Variants in KCNIP1 observed in about 807,000 individuals in gnomAD.
The protein encoded by KCNIP1 is A-type potassium channel modulatory protein KCNIP1.
A neutral mutation model predicts 33.0 loss-of-function variants in KCNIP1; 18 were observed. The observed-to-expected ratio is 0.55, with a 90% CI of 0.38 to 0.81. The LOEUF (loss-of-function observed/expected upper bound fraction) is 0.81, where lower values mean the gene tolerates loss of function less well. Ranked by LOEUF, KCNIP1 falls within the 30% of genes least tolerant of loss-of-function variation. The pLI, the probability that KCNIP1 is intolerant of heterozygous loss-of-function variation, is 0.00. For missense variants in KCNIP1, 238 were observed against 271.6 expected, an observed-to-expected ratio of 0.88 and a Z score of 0.87; for synonymous variants, 93 against 98.3, an observed-to-expected ratio of 0.95 and a Z score of 0.32.
upstream of KCNIP1, among the ~76,000 whole-genome samples, chr5:170,503,724 T>TCACTCACA (rs1754551868): frequency 7.3e-6 from 1 of 136,472 alleles, no homozygotes; most frequent in African/African-American, 2.7e-5. Context: ...CGCACGCACA[T>TCACTCACA]CACACACACA....
At chr5:170,632,334 C>T (rs1760080173) in intron 1 of KCNIP1, among the ~76,000 whole-genome samples, 1 of 152,230 alleles carries the variant, frequency 6.6e-6, no homozygotes, top group Non-Finnish European at 1.5e-5. Context: ...TTAGGATTCT[C>T]GCCTCAAATC....
At chr5:170,452,354 G>C (rs550492586) in intron 1 of KCNIP1, among the ~76,000 whole-genome samples, 1 of 152,188 alleles carries the variant, frequency 6.6e-6, no homozygotes, top group Non-Finnish European at 1.5e-5. Flanking sequence ...ACCGGAAAGC[G>C]CCTAGTGTGC....
intron 1 of KCNIP1, among the ~76,000 whole-genome samples, chr5:170,656,647 G>A (rs1761276092): frequency 6.6e-6 from 1 of 152,228 alleles, no homozygotes; most frequent in African/African-American, 2.4e-5. Flanking sequence ...ATGAAGATCA[G>A]CTTCCAGGGG....
At chr5:170,668,998 G>C (rs1761816275) in intron 1 of KCNIP1, among the ~76,000 whole-genome samples, 1 of 152,174 alleles carries the variant, frequency 6.6e-6, no homozygotes, top group South Asian at 2.1e-4. Flanking sequence ...CCCAGGCTGG[G>C]CTGGGTGTCC....
chr5:170,462,782 C>T (rs1756534591), intron 1 of KCNIP1, among the ~76,000 whole-genome samples: 2 of 152,184 alleles, frequency 1.3e-5, no homozygotes, highest in African/African-American at 4.8e-5. Flanking sequence ...TGGAATACTA[C>T]TCAGCCAAAA....
intron 1 of KCNIP1, among the ~76,000 whole-genome samples, chr5:170,623,888 G>A (rs1759711283): frequency 6.6e-6 from 1 of 152,186 alleles, no homozygotes; most frequent in Non-Finnish European, 1.5e-5. Flanking sequence ...TTCTCAGCAG[G>A]AGCTCAGCCA....
chr5:170,529,835 A>C (rs1002346061), intron 1 of KCNIP1, among the ~76,000 whole-genome samples: 1 of 152,196 alleles, frequency 6.6e-6, no homozygotes, highest in Non-Finnish European at 1.5e-5. Context: ...CTAACTTCAC[A>C]GGGCAGACTC....
At chr5:170,716,374 T>G (rs751519086) in intron 1 of KCNIP1, among the ~76,000 whole-genome samples, 2 of 152,174 alleles carry the variant, frequency 1.3e-5, no homozygotes, top group Non-Finnish European at 2.9e-5. Flanking sequence ...AAATTACAAT[T>G]CTTACTATAA....
intron 1 of KCNIP1, among the ~76,000 whole-genome samples, chr5:170,393,502 C>T (rs1355978121): frequency 6.6e-6 from 1 of 152,226 alleles, no homozygotes; most frequent in African/African-American, 2.4e-5. Flanking sequence ...GCCGAGGTGA[C>T]TCAGACACGG....
At chr5:170,629,611 C>T (rs1229516534) in intron 1 of KCNIP1, among the ~76,000 whole-genome samples, 1 of 152,182 alleles carries the variant, frequency 6.6e-6, no homozygotes, top group Non-Finnish European at 1.5e-5. Context: ...CATCTTGGGC[C>T]TTTGCTGGTC....
At chr5:170,696,478 G>T (rs1467195996) in intron 1 of KCNIP1, among the ~76,000 whole-genome samples, 1 of 152,178 alleles carries the variant, frequency 6.6e-6, no homozygotes, top group Non-Finnish European at 1.5e-5. Flanking sequence ...GCAGGGAGGG[G>T]TCTTGTCACA....
At chr5:170,386,742 G>A (rs1231961150) in intron 1 of KCNIP1, among the ~76,000 whole-genome samples, 7 of 151,634 alleles carry the variant, frequency 4.6e-5, no homozygotes, top group Non-Finnish European at 7.4e-5. Context: ...GAAGAAAGAA[G>A]GCATCATGGT....
intron 1 of KCNIP1, among the ~76,000 whole-genome samples, chr5:170,554,626 A>C (rs1756774929): frequency 6.6e-6 from 1 of 152,214 alleles, no homozygotes; most frequent in South Asian, 2.1e-4. Flanking sequence ...TTCACCAGCC[A>C]TGGCCAGACT....
chr5:170,460,528 G>T (rs544120671), intron 1 of KCNIP1, among the ~76,000 whole-genome samples: 1 of 152,226 alleles, frequency 6.6e-6, no homozygotes, highest in Admixed American at 6.5e-5. Flanking sequence ...TGCAGGGAGG[G>T]TTTAACATAT....
chr5:170,463,879 T>C (rs1416982965), intron 1 of KCNIP1, among the ~76,000 whole-genome samples: 1 of 152,180 alleles, frequency 6.6e-6, no homozygotes, highest in African/African-American at 2.4e-5. Context: ...GAAATAAAAC[T>C]ATTTCCGGAT....
At chr5:170,633,713 C>A (rs1281470968) in intron 1 of KCNIP1, among the ~76,000 whole-genome samples, 1 of 29,324 alleles carries the variant, frequency 3.4e-5, no homozygotes, top group African/African-American at 1.9e-4. Flanking sequence ...GGCGAGGGGG[C>A]GGGGGGGCGG....
chr5:170,689,081 T>C (rs1054468029), intron 1 of KCNIP1, among the ~76,000 whole-genome samples: 1 of 152,166 alleles, frequency 6.6e-6, no homozygotes, highest in Non-Finnish European at 1.5e-5. Context: ...TCAATGTCCC[T>C]GAAGATTAGG....
At chr5:170,403,830 A>C (rs1159844136) in intron 1 of KCNIP1, among the ~76,000 whole-genome samples, 1 of 152,202 alleles carries the variant, frequency 6.6e-6, no homozygotes, top group East Asian at 1.9e-4. Context: ...GCTTTGGTTG[A>C]GGAGCTCTTT....
intron 1 of KCNIP1, among the ~76,000 whole-genome samples, chr5:170,366,009 C>T (rs539194643): frequency 1.2e-4 from 18 of 152,300 alleles, no homozygotes; most frequent in Middle Eastern, 3.4e-3. Context: ...TCTTGGGAAA[C>T]GGCTGAGTGA....
Sources: allele counts gnomAD v4.1 joint callset (sites outside exome capture counted in the v4.1 genomes callset), GRCh38; gene constraint gnomAD v4.1.1; transcripts MANE v1.5; gene names NCBI Gene and HGNC (gene_info 2026-07-23, HGNC 2026-07-21).